The following PDXK variants were observed in gnomAD, a reference collection of about 807,000 sequenced individuals.
PDXK encodes epididymis secretory sperm binding protein Li 1a.
In PDXK, 15 loss-of-function variants were observed where a neutral mutation model predicts 43.2. That is an observed-to-expected ratio of 0.35 (90% confidence interval 0.23 to 0.53). The LOEUF is 0.53. Among genes scored for constraint, PDXK ranks in the 20% least tolerant of loss-of-function variants. The pLI, the probability that PDXK is intolerant of heterozygous loss-of-function variation, is 0.92. For synonymous variants in PDXK, 172 were observed against 165.4 expected (o/e 1.04, Z -0.31); for missense variants, 343 against 417.0 (o/e 0.82, Z 1.54).
chr21:43,727,005 G>A (rs2083261051), intron 1 of PDXK, among the ~76,000 whole-genome samples: 1 of 152,236 alleles, frequency 6.6e-6, no homozygotes, highest in Admixed American at 6.5e-5. Context: ...TGTGTATGCG[G>A]TGTGTTGCTC....
rs2083462425 is a variant in PDXK at position 43,739,789 on chromosome 21, A to T, written c.143-1878A>T. Among the ~76,000 whole-genome samples the T allele has an allele frequency of 1.3e-5, 2 of 151,766 alleles. 1 individual carries two copies. The highest frequency in any genetic ancestry group is 2.9e-5 in the Non-Finnish European group (2 of 67,874). On this transcript the variant is annotated intron_variant, in intron 2 of 10. Transcript: ENST00000291565. ...GGCCATGTCACCTCCCCAGGAAAGG[A>T]GCACATGTGCAGCAGTGGTGAGTCC...
At chr21:43,753,097 C>T (rs897011780) in intron 8 of PDXK, among the ~76,000 whole-genome samples, 1 of 152,184 alleles carries the variant, frequency 6.6e-6, no homozygotes, top group Non-Finnish European at 1.5e-5. Flanking sequence ...TGCAGGCACA[C>T]ACATAGGCAC....
chr21:43,741,576 G>C, intron 2 of PDXK, 91 bp from the exon 3 acceptor site: 1 of 1,564,286 alleles, frequency 6.4e-7, no homozygotes, highest in South Asian at 1.2e-5. Flanking sequence ...CCACCAGGCA[G>C]CCTCAGGGAG....
In PDXK at chr21:43,732,713, G is replaced by T. The variant is rs964531870; in HGVS notation, c.88-1356G>T. 8 of 725,896 alleles carry T rather than the reference G, an allele frequency of 1.1e-5. No homozygotes were observed. The highest frequency in any genetic ancestry group is 1.8e-5 in the Non-Finnish European group (7 of 397,424). 45.0% of individuals were successfully genotyped at this position (725,896 alleles called of 1,614,324 possible). A position where few individuals can be genotyped will look rare whatever the true frequency, so the allele number is the denominator to read the frequency against. ...TGTATAGAGGCTGTGGATTCGGGCT[G>T]GTACATTTGCAAAGTGCCCATTTTA... On this transcript the variant is annotated intron_variant, in intron 1 of 10. Coordinates refer to ENST00000291565, the MANE Select transcript of PDXK (RefSeq NM_003681.5). The surrounding 1 kb of genome is among the most constrained non-coding windows in gnomAD (Gnocchi z 4.1).
intron 7 of PDXK, among the ~76,000 whole-genome samples, chr21:43,751,481 G>A (rs2083750359): frequency 6.6e-6 from 1 of 152,168 alleles, no homozygotes; most frequent in African/African-American, 2.4e-5. Flanking sequence ...GCCAGGAGGC[G>A]GAGGTTGCAG....
Position 43,732,642 on chromosome 21 carries a change from C to T in PDXK, c.88-1427C>T, listed in dbSNP as rs1325816730. On this transcript the variant is annotated intron_variant, in intron 1 of 10. Transcript: ENST00000291565. This position sits in a 1 kb window ranked among gnomAD's most constrained non-coding sequence, Gnocchi z 4.1. ...TCGTTGCTTAATATCTGTTTCTTCA[C>T]AGTCGGTTAGAATTTTAAAGGATTT... 1.3e-6 allele frequency: 1 copy of T among 781,308 alleles called. No individual in the cohort carries two copies. The highest frequency in any genetic ancestry group is 2.4e-6 in the Non-Finnish European group (1 of 419,524). 48.4% of individuals were successfully genotyped at this position (781,308 alleles called of 1,614,324 possible). A position where few individuals can be genotyped will look rare whatever the true frequency, so the allele number is the denominator to read the frequency against.
intron 9 of PDXK, 137 bp from the exon 10 acceptor site, chr21:43,755,561 C>T (rs113049682): frequency 1.4e-5 from 11 of 758,784 alleles, no homozygotes; most frequent in African/African-American, 1.0e-4. Flanking sequence ...TCAGCACGTG[C>T]ATTGGCGGAG....
At chr21:43,755,652 GTGT>G (rs1214702898) in intron 9 of PDXK, 43 bp from the exon 10 acceptor site, 2 of 1,462,700 alleles carry the variant, frequency 1.4e-6, no homozygotes, top group East Asian at 4.5e-5. Flanking sequence ...GGCACGTCGG[GTGT>G]TGTGAGTGGG....
intron 6 of PDXK, among the ~76,000 whole-genome samples, chr21:43,750,156 G>A (rs1009057194): frequency 5.8e-4 from 88 of 152,252 alleles, no homozygotes; most frequent in African/African-American, 2.0e-3. Flanking sequence ...TGCATTAATC[G>A]CTAGCGGCTC....
intron 2 of PDXK, among the ~76,000 whole-genome samples, chr21:43,739,111 T>C (rs182803381): frequency 3.2e-4 from 48 of 152,212 alleles, no homozygotes; most frequent in African/African-American, 1.1e-3. Context: ...TTTTTTTGTA[T>C]TTTTAGTAGG....
intron 6 of PDXK, 55 bp from the exon 7 acceptor site, chr21:43,750,445 C>T (rs1202463530): frequency 6.7e-7 from 1 of 1,493,418 alleles, no homozygotes; most frequent in South Asian, 1.2e-5. Context: ...CAACACACAA[C>T]CCGGAGAGGA....
chr21:43,739,250 C>T (rs577489087), intron 2 of PDXK, among the ~76,000 whole-genome samples: 3 of 152,030 alleles, frequency 2.0e-5, no homozygotes, highest in South Asian at 2.1e-4. Flanking sequence ...CTCGAACTCC[C>T]GACCTCAGGT....
At position 43,749,069 on chromosome 21, in the gene PDXK, G is replaced by A. The variant is rs1568989516; in HGVS notation, c.453G>A (p.Gln151=). ...VPLADIITPN[Q]FEAELLSGRK... ...TTGCAGACATTATCACGCCCAACCA[G>A]TTTGAGGCCGAGTAAGTCATTTTAT... The change falls in exon 6 of 11, where the codon CAG becomes CAA. Residue 151 remains glutamine, a synonymous_variant. Transcript: ENST00000291565. 2 of 1,599,962 alleles carry A rather than the reference G, an allele frequency of 1.3e-6. No individual in the cohort carries two copies. The highest frequency in any genetic ancestry group is 1.7e-6 in the Non-Finnish European group (2 of 1,168,290).
intron 2 of PDXK, among the ~76,000 whole-genome samples, chr21:43,739,098 T>C (rs1314018520): frequency 6.6e-6 from 1 of 152,098 alleles, no homozygotes; most frequent in African/African-American, 2.4e-5. Flanking sequence ...CACGCCCGGC[T>C]AATTTTTTTG....
At chr21:43,752,143 C>T (rs553376968) in intron 7 of PDXK, among the ~76,000 whole-genome samples, 1 of 152,204 alleles carries the variant, frequency 6.6e-6, no homozygotes, top group African/African-American at 2.4e-5. Flanking sequence ...GCGTGCTGCC[C>T]GATCTGAGGC....
rs2083587579 is a variant in PDXK at position 43,743,725 on chromosome 21, T to C, written c.249T>C (p.Gly83=). 2.5e-6 allele frequency: 4 copies of C among 1,609,096 alleles called. No homozygotes were observed. Among genetic ancestry groups the C allele is most frequent in the Non-Finnish European group, 3.4e-6 (4 of 1,175,560 alleles). ...NMNKYDYVLT[G]YTRDKSFLAM... ...GTGACCTGGATTCTCCCCCTAAAGG[T>C]TATACGAGGGACAAGTCGTTCCTGG... The change falls in exon 4 of 11, where the codon GGT becomes GGC. Residue 83 remains glycine, a splice_region_variant and synonymous_variant. Coordinates refer to ENST00000291565, the MANE Select transcript of PDXK (RefSeq NM_003681.5).
Position 43,758,353 on chromosome 21 carries a change from G to A in PDXK, c.*2290G>A, listed in dbSNP as rs1214451025. 6.5e-6 allele frequency: 1 copy of A among 153,562 alleles called. No homozygotes were observed. The highest frequency in any genetic ancestry group is 2.4e-5 in the African/African-American group (1 of 41,450). 9.5% of individuals were successfully genotyped at this position (153,562 alleles called of 1,614,324 possible). On this transcript the variant is annotated 3_prime_UTR_variant, in exon 11 of 11. Transcript: ENST00000291565. ...TGGCTGTATCAGCCGAACCAGGAGA[G>A]GCCTGGGCTGCGACTAAGGAGAAAG... is the stretch of plus-strand genomic sequence containing the variant.
At chr21:43,729,830 G>C (rs2083295323) in intron 1 of PDXK, among the ~76,000 whole-genome samples, 1 of 152,072 alleles carries the variant, frequency 6.6e-6, no homozygotes, top group Non-Finnish European at 1.5e-5. Context: ...TGTAGTCCCA[G>C]CTACTCAGGA....
intron 7 of PDXK, among the ~76,000 whole-genome samples, chr21:43,751,396 A>C (rs1298895968): frequency 1.3e-5 from 2 of 152,138 alleles, no homozygotes; most frequent in Non-Finnish European, 2.9e-5. Context: ...TAAAAATACA[A>C]AAATTAGCTG....
Sources: gnomAD v4.1 joint callset for allele counts (sites outside exome capture counted in the v4.1 genomes callset) on GRCh38, gnomAD v4.1.1 for gene constraint, Gnocchi (gnomAD v3.1) non-coding constraint, MANE v1.5 for transcripts, NCBI Gene and HGNC (gene_info 2026-07-23, HGNC 2026-07-21) for gene names.